The following SULF2 variants were observed in gnomAD, a reference collection of about 807,000 sequenced individuals.
SULF2 encodes the protein sulfatase 2.
SULF2 carries 52 observed loss-of-function variants against 107.7 expected under a neutral mutation model. That is an observed-to-expected ratio of 0.48 (90% CI 0.39 to 0.61). The LOEUF is 0.61. Ranked by LOEUF, SULF2 falls within the 20% of genes least tolerant of loss-of-function variation. The pLI, the probability that SULF2 is intolerant of heterozygous loss-of-function variation, is 0.00. For missense variants in SULF2, 993 were observed against 1,177.3 expected (o/e 0.84, Z 2.29); for synonymous variants, 460 against 464.3 (o/e 0.99, Z 0.12).
intron 1 of SULF2, among the ~76,000 whole-genome samples, chr20:47,760,192 G>C (rs2090387814): frequency 6.6e-6 from 1 of 152,144 alleles, no homozygotes. Context: ...AAAACCCCAG[G>C]AAGGGTCACT....
chr20:47,716,643 G>C (rs1166965724), intron 3 of SULF2, among the ~76,000 whole-genome samples: 2 of 152,038 alleles, frequency 1.3e-5, no homozygotes, highest in East Asian at 3.8e-4. Context: ...AATCTGTTTT[G>C]GCATTCAATC....
At chr20:47,712,381 C>T (rs2088961970) in intron 3 of SULF2, among the ~76,000 whole-genome samples, 1 of 152,238 alleles carries the variant, frequency 6.6e-6, no homozygotes, top group Admixed American at 6.5e-5. Flanking sequence ...CGTGGCACCT[C>T]AGGTCAGATG....
At chr20:47,699,480 A>G (rs1406261775) in intron 4 of SULF2, among the ~76,000 whole-genome samples, 1 of 151,944 alleles carries the variant, frequency 6.6e-6, no homozygotes, top group Non-Finnish European at 1.5e-5. Flanking sequence ...GGAAGTACAC[A>G]TGATTAAGTA....
chr20:47,727,980 G>A (rs975370750), intron 3 of SULF2, among the ~76,000 whole-genome samples: 31 of 152,216 alleles, frequency 2.0e-4, no homozygotes, highest in African/African-American at 6.5e-4. Flanking sequence ...TCGAGGACAC[G>A]CTGGGTCAGC....
intron 1 of SULF2, among the ~76,000 whole-genome samples, chr20:47,767,573 C>A (rs909504614): frequency 3.9e-5 from 6 of 152,098 alleles, no homozygotes; most frequent in Non-Finnish European, 8.8e-5. Flanking sequence ...GAGGTCAGAT[C>A]GAGACCATCC....
chr20:47,767,949 C>G (rs943453228), intron 1 of SULF2, among the ~76,000 whole-genome samples: 1 of 152,140 alleles, frequency 6.6e-6, no homozygotes, highest in Non-Finnish European at 1.5e-5. Context: ...TTTCTCCCCA[C>G]CCTTGGTCCA....
chr20:47,681,978 C>T, intron 7 of SULF2, among the ~76,000 whole-genome samples: 1 of 152,006 alleles, frequency 6.6e-6, no homozygotes, highest in Admixed American at 6.5e-5. Context: ...AGCCACAGGG[C>T]CCGGCTTGCA....
chr20:47,675,405 C>G (rs1437017185), intron 10 of SULF2, among the ~76,000 whole-genome samples: 2 of 152,062 alleles, frequency 1.3e-5, no homozygotes, highest in Admixed American at 1.3e-4. Flanking sequence ...CAGCTCCTGC[C>G]CGGTGGCAGA....
chr20:47,736,926 C>T lies in SULF2; in HGVS notation c.192G>A (p.Met64Ile), dbSNP rs1325241816. 3 of 1,614,076 alleles carry T rather than the reference C, an allele frequency of 1.9e-6. No homozygotes were observed. Among genetic ancestry groups the T allele is most frequent in the Non-Finnish European group, 2.5e-6 (3 of 1,180,026 alleles). The change falls in exon 3 of 21, where the codon ATG becomes ATA. Residue 64 changes from methionine (M) to isoleucine (I), a missense_variant. By Grantham distance (10) the Met-to-Ile change is conservative. This residue lies in a region of SULF2 where 388 missense variants were observed against 449.2 expected (regional missense o/e 0.86). Transcript: ENST00000688720. ...GCTCCATGATGCGCCGGGTCTTGTT[C>T]ATCACCTGCATGGAACCTGCAAGTC... ...QDVELGSMQV[M>I]NKTRRIMEQG...
intron 10 of SULF2, among the ~76,000 whole-genome samples, chr20:47,676,242 T>C (rs1380057645): frequency 2.0e-5 from 3 of 152,188 alleles, no homozygotes; most frequent in African/African-American, 7.2e-5. Context: ...AGAGAGGCGC[T>C]AAGGGCATAC....
chr20:47,661,047 G>A (rs151263267), intron 18 of SULF2, among the ~76,000 whole-genome samples: 182 of 152,086 alleles, frequency 1.2e-3, no homozygotes, highest in African/African-American at 4.1e-3. Context: ...AGCAAATGTC[G>A]GTGCCCAGGT....
intron 5 of SULF2, 128 bp from the exon 6 acceptor site, chr20:47,684,709 T>C: frequency 1.1e-6 from 1 of 876,240 alleles, no homozygotes. Flanking sequence ...AGGTGTGATC[T>C]CCTGGTGGGA....
intron 4 of SULF2, among the ~76,000 whole-genome samples, chr20:47,691,341 G>T (rs915868910): frequency 6.6e-6 from 1 of 152,206 alleles, no homozygotes; most frequent in Non-Finnish European, 1.5e-5. Flanking sequence ...AGTCAGGGAG[G>T]TCCTCTCTGA....
chr20:47,743,605 T>C (rs960469804), intron 2 of SULF2, among the ~76,000 whole-genome samples: 75 of 152,196 alleles, frequency 4.9e-4, no homozygotes, highest in African/African-American at 1.8e-3. Context: ...CCACCATGCC[T>C]GCCTGGCCAG....
At position 47,766,552 on chromosome 20, in the gene SULF2, T is replaced by C. The variant is rs2090531323; in HGVS notation, c.-100-9089A>G. Among the ~76,000 whole-genome samples the C allele has an allele frequency of 1.3e-5, 2 of 152,234 alleles. 1 individual carries two copies. The highest frequency in any genetic ancestry group is 4.1e-4 in the South Asian group (2 of 4,836). On this transcript the variant is annotated intron_variant, in intron 1 of 20. Transcript: ENST00000688720. Reference sequence around the variant, plus strand: ...AGGAACCCAGTTACCTGCCTAACTATTGATGTAACAAGACATTCCTGAAGG... The same window carrying C: ...AGGAACCCAGTTACCTGCCTAACTACTGATGTAACAAGACATTCCTGAAGG...
intron 4 of SULF2, 64 bp from the exon 5 acceptor site, chr20:47,690,359 C>A: frequency 7.7e-7 from 1 of 1,294,730 alleles, no homozygotes; most frequent in Non-Finnish European, 1.0e-6. Flanking sequence ...GTGTCCACTA[C>A]GTGCCAGGCA....
intron 1 of SULF2, among the ~76,000 whole-genome samples, chr20:47,776,792 C>G (rs2090733666): frequency 6.6e-6 from 1 of 152,176 alleles, no homozygotes; most frequent in African/African-American, 2.4e-5. Context: ...GCACAAAACC[C>G]CAGCTCTGGC....
chr20:47,764,854 C>T (rs2090494885), intron 1 of SULF2, among the ~76,000 whole-genome samples: 2 of 152,196 alleles, frequency 1.3e-5, no homozygotes, highest in Non-Finnish European at 2.9e-5. Context: ...ACATCAGGGG[C>T]CCTGCACAAT....
chr20:47,712,569 G>A (rs6018653), intron 3 of SULF2, among the ~76,000 whole-genome samples: 1 of 152,140 alleles, frequency 6.6e-6, no homozygotes, highest in Non-Finnish European at 1.5e-5. Flanking sequence ...TAGCCCCAGC[G>A]CAGTACCTGG....
Sources: gnomAD v4.1 joint callset for allele counts (sites outside exome capture counted in the v4.1 genomes callset) on GRCh38, gnomAD v4.1.1 for gene constraint, gnomAD v4.1.1 regional missense constraint, MANE v1.5 for transcripts, NCBI Gene and HGNC (gene_info 2026-07-23, HGNC 2026-07-21) for gene names.